Variants in ADK observed in about 807,000 individuals in gnomAD.
ADK encodes the protein adenosine kinase.
In ADK, 24 loss-of-function variants were observed where a neutral mutation model predicts 44.7. That is an observed-to-expected ratio of 0.54 (90% confidence interval 0.39 to 0.76). The LOEUF is 0.76. Among genes scored for constraint, ADK ranks in the 30% least tolerant of loss-of-function variants. The probability of loss-of-function intolerance (pLI) is 0.00; values close to 1 mark genes in which losing one functional copy is unlikely to be tolerated. For synonymous variants in ADK, 128 were observed against 142.6 expected, an observed-to-expected ratio of 0.90 and a Z score of 0.73; for missense variants, 321 against 425.1, an observed-to-expected ratio of 0.76 and a Z score of 2.15.
At chr10:74,549,893 A>G (rs1849969774) in intron 7 of ADK, among the ~76,000 whole-genome samples, 1 of 152,192 alleles carries the variant, frequency 6.6e-6, no homozygotes, top group South Asian at 2.1e-4. Context: ...CCATGAGCAC[A>G]TAAAAGACGA....
rs1180205786 is a variant in ADK, at chr10:74,609,549, C to A, written c.877+9056C>A. Among the ~76,000 whole-genome samples, 3 of 152,122 alleles carry A rather than the reference C, an allele frequency of 2.0e-5. 1 individual carries two copies. The highest frequency in any genetic ancestry group is 4.4e-5 in the Non-Finnish European group (3 of 68,016). ...GGTGACGCCCCACCCTGCTTCCGCTCGCCCTTTGTGGGCTGCACCCACTGT... is the reference window on the plus strand; with the variant it reads ...GGTGACGCCCCACCCTGCTTCCGCTAGCCCTTTGTGGGCTGCACCCACTGT... On this transcript the variant is annotated intron_variant, in intron 9 of 10. Transcript: ENST00000539909.
rs1491120125 is a variant in ADK, at chr10:74,391,650, T to TACACACACACACACAC, written c.274-2490_274-2489insCACACACACACACACA. 1.3e-3 allele frequency among the ~76,000 whole-genome samples: 172 copies of TACACACACACACACAC among 134,704 alleles called. 4 individuals carry two copies. The highest frequency in any genetic ancestry group is 4.3e-3 in the African/African-American group (142 of 32,988). 88.4% of individuals were successfully genotyped at this position (134,704 alleles called of 152,430 possible). On this transcript the variant is annotated intron_variant, in intron 4 of 10. Transcript: ENST00000539909. Reference sequence around the variant, plus strand: ...TGAATTCAGGAGTTCGAGGCAAGAATATACACACACACACACACACACACA... The same window carrying TACACACACACACACAC: ...TGAATTCAGGAGTTCGAGGCAAGAATACACACACACACACACATACACACACACACACACACACACA...
At chr10:74,479,686 G>A (rs533876604) in intron 6 of ADK, among the ~76,000 whole-genome samples, 1 of 151,674 alleles carries the variant, frequency 6.6e-6, no homozygotes, top group South Asian at 2.1e-4. Flanking sequence ...TTCTTTTCTA[G>A]CCATTAGCTT....
chr10:74,463,813 T>A (rs923376392), intron 6 of ADK, among the ~76,000 whole-genome samples: 3 of 152,182 alleles, frequency 2.0e-5, no homozygotes, highest in African/African-American at 7.2e-5. Flanking sequence ...TTTTTTTACG[T>A]CTTTCTAAAC....
At chr10:74,633,920 T>C (rs980112980) in intron 9 of ADK, among the ~76,000 whole-genome samples, 4 of 152,080 alleles carry the variant, frequency 2.6e-5, no homozygotes, top group African/African-American at 9.7e-5. Context: ...AAAAAGTGAG[T>C]GAGGAAATTT....
chr10:74,663,249 AT>A lies in ADK; in HGVS notation c.878-6933del, dbSNP rs1564841868. Among the ~76,000 whole-genome samples the A allele has an allele frequency of 8.4e-3, 696 of 83,262 alleles. 2 individuals carry two copies. The highest frequency in any genetic ancestry group is 0.035 in the African/African-American group (653 of 18,882). The allele number at this position is 83,262 out of a possible 152,430, so 54.6% of individuals were successfully genotyped here. A position where few individuals can be genotyped will look rare whatever the true frequency, so the allele number is the denominator to read the frequency against. On this transcript the variant is annotated intron_variant, in intron 9 of 10. Transcript: ENST00000539909. The stretch of plus-strand genomic sequence containing the variant: ...GATGCTATCTCAAAAAAAAAAAATA[AT>A]ATATATATATATATATATGTATCTC...
At chr10:74,587,937 A>G (rs1305976371) in intron 7 of ADK, among the ~76,000 whole-genome samples, 1 of 152,118 alleles carries the variant, frequency 6.6e-6, no homozygotes, top group Non-Finnish European at 1.5e-5. Context: ...TTGTGTCCTT[A>G]AGATATTTAA....
chr10:74,394,402 CT>C, intron 5 of ADK, 89 bp downstream of exon 5: 1 of 1,230,018 alleles, frequency 8.1e-7, no homozygotes, highest in Non-Finnish European at 1.2e-6. Context: ...GGAATTTTGA[CT>C]TTATAATTCC....
At chr10:74,608,619 G>A (rs1007781987) in intron 9 of ADK, among the ~76,000 whole-genome samples, 3 of 152,122 alleles carry the variant, frequency 2.0e-5, no homozygotes, top group Non-Finnish European at 4.4e-5. Flanking sequence ...TCCCAGAGGG[G>A]CACCCGCCAG....
At chr10:74,273,431 G>A (rs955160249) in intron 3 of ADK, among the ~76,000 whole-genome samples, 4 of 151,722 alleles carry the variant, frequency 2.6e-5, no homozygotes, top group African/African-American at 9.7e-5. Context: ...TGCCCAATTC[G>A]GCTTTCTTCC....
chr10:74,385,786 C>T (rs951145601), intron 4 of ADK, among the ~76,000 whole-genome samples: 3 of 152,120 alleles, frequency 2.0e-5, no homozygotes, highest in Admixed American at 2.0e-4. Context: ...CATCACATGG[C>T]TGGATGAACT....
chr10:74,315,817 A>G (rs573173407), intron 4 of ADK, among the ~76,000 whole-genome samples: 3 of 152,336 alleles, frequency 2.0e-5, no homozygotes, highest in East Asian at 3.9e-4. Context: ...AATATTTTGT[A>G]AAAATGAATC....
chr10:74,239,541 C>T (rs759092801), intron 3 of ADK, among the ~76,000 whole-genome samples: 10 of 151,644 alleles, frequency 6.6e-5, no homozygotes, highest in Middle Eastern at 3.2e-3. Context: ...TGAGAGCCCC[C>T]TCTCTACAAA....
At chr10:74,472,726 A>G (rs1846645192) in intron 6 of ADK, among the ~76,000 whole-genome samples, 1 of 152,208 alleles carries the variant, frequency 6.6e-6, no homozygotes, top group Non-Finnish European at 1.5e-5. Context: ...ATATAGCCAA[A>G]TAGGGGTAGT....
chr10:74,252,253 A>G (rs1464110024), intron 3 of ADK, among the ~76,000 whole-genome samples: 1 of 152,162 alleles, frequency 6.6e-6, no homozygotes, highest in Non-Finnish European at 1.5e-5. Flanking sequence ...TGGATCCTTA[A>G]TGATCTTGTT....
At chr10:74,519,898 A>G (rs749322718) in intron 6 of ADK, among the ~76,000 whole-genome samples, 5 of 151,818 alleles carry the variant, frequency 3.3e-5, no homozygotes, top group Non-Finnish European at 7.4e-5. Flanking sequence ...GGGAGTACCA[A>G]CTGAACCCTT....
intron 9 of ADK, among the ~76,000 whole-genome samples, chr10:74,624,239 T>C (rs1424400536): frequency 6.6e-6 from 1 of 152,036 alleles, no homozygotes; most frequent in Non-Finnish European, 1.5e-5. Context: ...TTTTTTTTTT[T>C]TTTTTAGTAT....
At chr10:74,609,305 T>C (rs188584497) in intron 9 of ADK, among the ~76,000 whole-genome samples, 1 of 152,244 alleles carries the variant, frequency 6.6e-6, no homozygotes, top group East Asian at 1.9e-4. Flanking sequence ...CTCCTGCAGC[T>C]AGCTTGGTGT....
intron 1 of ADK, among the ~76,000 whole-genome samples, chr10:74,178,600 CTGCTGTTTAAT>C (rs1029953564): frequency 6.6e-6 from 1 of 152,186 alleles, no homozygotes; most frequent in African/African-American, 2.4e-5. Context: ...TCTAAAGCTT[CTGCTGTTTAAT>C]AAGTGACAGC....
Sources: allele counts gnomAD v4.1 joint callset (sites outside exome capture counted in the v4.1 genomes callset), GRCh38; gene constraint gnomAD v4.1.1; transcripts MANE v1.5; gene names NCBI Gene and HGNC (gene_info 2026-07-23, HGNC 2026-07-21).